NBEAL1: variants seen among roughly 807,000 people sequenced by gnomAD.
The protein encoded by NBEAL1 is neurobeachin like 1, also known as neurobeachin-like protein 1.
A neutral mutation model predicts 351.3 loss-of-function variants in NBEAL1; 273 were observed. The observed-to-expected ratio is 0.78, with a 90% CI of 0.70 to 0.86. The LOEUF (loss-of-function observed/expected upper bound fraction) is 0.86. Ranked by LOEUF, NBEAL1 falls within the 40% of genes least tolerant of loss-of-function variation. The probability of loss-of-function intolerance (pLI) is 0.00; values close to 1 mark genes in which losing one functional copy is unlikely to be tolerated. For synonymous variants in NBEAL1, 1,050 were observed against 1,086.4 expected, an observed-to-expected ratio of 0.97 and a Z score of 0.66; for missense variants, 2,961 against 3,201.3, an observed-to-expected ratio of 0.92 and a Z score of 1.81.
intron 21 of NBEAL1, 113 bp downstream of exon 21, chr2:203,126,206 T>C: frequency 9.3e-7 from 1 of 1,074,520 alleles, no homozygotes; most frequent in Non-Finnish European, 1.3e-6. Context: ...ACTTGAATTA[T>C]ATTAATGGAT....
At chr2:203,191,692 G>A (rs2065094137) in intron 46 of NBEAL1, among the ~76,000 whole-genome samples, 1 of 152,092 alleles carries the variant, frequency 6.6e-6, no homozygotes, top group Admixed American at 6.6e-5. Context: ...AGCCTATAAT[G>A]CCTTTGAGAA....
intron 34 of NBEAL1, 75 bp downstream of exon 34, chr2:203,149,223 C>G (rs79785683): frequency 1.0e-6 from 1 of 997,312 alleles, no homozygotes; most frequent in Non-Finnish European, 1.4e-6. Flanking sequence ...GCAAATGCCC[C>G]CTTTCACTCC....
chr2:203,130,367 C>A lies in NBEAL1; in HGVS notation c.3455C>A (p.Thr1152Asn). Residue 1152 changes from threonine (T) to asparagine (N), a missense_variant, in exon 25 of 56, where the codon ACC becomes AAC. Thr to Asn is a moderately conservative substitution (Grantham distance 65, BLOSUM62 0). Transcript: ENST00000683969. The stretch of plus-strand genomic sequence containing the variant: ...TTCAGTCTCCTACGTACCAGCCCAA[C>A]CAGAGGTCAGCTTTTCTTACTGCTT... ...VLFSLLRTSP[T>N]RGQLFLLLFE... The A allele has an allele frequency of 6.5e-7, 1 of 1,532,390 alleles. No individual in the cohort carries two copies. The highest frequency in any genetic ancestry group is 8.8e-7 in the Non-Finnish European group (1 of 1,140,076). The allele number at this position is 1,532,390 out of a possible 1,614,324, so 94.9% of individuals were successfully genotyped here.
chr2:203,167,688 A>T (rs1172943153), intron 38 of NBEAL1, among the ~76,000 whole-genome samples: 1 of 152,186 alleles, frequency 6.6e-6, no homozygotes, highest in Non-Finnish European at 1.5e-5. Context: ...AATAATGAGG[A>T]ATCTATTTCT....
intron 42 of NBEAL1, among the ~76,000 whole-genome samples, chr2:203,177,052 G>A (rs1030743117): frequency 6.6e-6 from 1 of 151,258 alleles, no homozygotes; most frequent in African/African-American, 2.4e-5. Flanking sequence ...TTGGGAGGCT[G>A]AGGTGGGAGG....
intron 2 of NBEAL1, among the ~76,000 whole-genome samples, chr2:203,034,457 AT>A (rs1241543389): frequency 0.023 from 2,543 of 111,896 alleles, 100 homozygotes; most frequent in Non-Finnish European, 0.031. Flanking sequence ...ACACCCGGCC[AT>A]TTTTTTTTTT....
At chr2:203,183,489 T>TACAAA in intron 44 of NBEAL1, 101 bp downstream of exon 44, 1 of 671,326 alleles carries the variant, frequency 1.5e-6, no homozygotes, top group Admixed American at 3.0e-5. Flanking sequence ...TAGATTAATT[T>TACAAA]GTAATCTATT....
rs1176783655 is a variant in NBEAL1, at chr2:203,039,220, C to T, written c.52-2545C>T. Among the ~76,000 whole-genome samples, 2 of 9,812 alleles carry T rather than the reference C, an allele frequency of 2.0e-4. 1 individual carries two copies. The highest frequency in any genetic ancestry group is 3.9e-4 in the Non-Finnish European group (2 of 5,096). The allele number at this position is 9,812 out of a possible 152,430, so 6.4% of individuals were successfully genotyped here. A position where few individuals can be genotyped will look rare whatever the true frequency, so the allele number is the denominator to read the frequency against. On this transcript the variant is annotated intron_variant, in intron 2 of 55. Transcript: ENST00000683969. ...CTTTCCTTTCCTTTCCTTTCCTTTC[C>T]CTTCCCTTCCCTTCCCTTCCCTTCC...
intron 3 of NBEAL1, among the ~76,000 whole-genome samples, chr2:203,047,412 G>T (rs1374084401): frequency 6.6e-6 from 1 of 152,100 alleles, no homozygotes; most frequent in Non-Finnish European, 1.5e-5. Flanking sequence ...AATATTGATA[G>T]AACATACTAC....
intron 12 of NBEAL1, among the ~76,000 whole-genome samples, 176 bp downstream of exon 12, chr2:203,099,888 G>A (rs1038758335): frequency 3.9e-5 from 6 of 152,012 alleles, no homozygotes; most frequent in African/African-American, 7.2e-5. Context: ...CAATCTTCCC[G>A]CTCCTCCTTC....
chr2:203,122,795 CT>C (rs1330032387), intron 19 of NBEAL1, among the ~76,000 whole-genome samples: 2 of 152,146 alleles, frequency 1.3e-5, no homozygotes, highest in African/African-American at 4.8e-5. Flanking sequence ...ATCCCTAGCA[CT>C]TTATTATTTC....
chr2:203,172,870 C>G lies in NBEAL1; in HGVS notation c.6323+17C>G, dbSNP rs1376548155. On this transcript the variant is annotated intron_variant, in intron 41 of 55. Coordinates refer to ENST00000683969, the MANE Select transcript of NBEAL1 (RefSeq NM_001378026.1). ...GAGAGAAAAGTAAGTGCTTCTTATT[C>G]CTTTTATAAAATACACATTGCTTCT... 7.6e-6 allele frequency: 12 copies of G among 1,582,556 alleles called. No individual in the cohort carries two copies. Among genetic ancestry groups the G allele is most frequent in the Non-Finnish European group, 9.4e-6 (11 of 1,166,982 alleles).
rs550666881 is a variant in NBEAL1 at position 203,224,513 on chromosome 2, A to T, written c.*7159A>T. Among the ~76,000 whole-genome samples, 1 of 152,216 alleles carries T rather than the reference A, an allele frequency of 6.6e-6. No individual in the cohort carries two copies. The highest frequency in any genetic ancestry group is 6.5e-5 in the Admixed American group (1 of 15,274). On this transcript the variant is annotated 3_prime_UTR_variant, in exon 56 of 56. Coordinates refer to ENST00000683969, the MANE Select transcript of NBEAL1 (RefSeq NM_001378026.1). ...CATCTCTTTTGTCAGTTTTTCTGGGACTCCAATAGCATTTCAGTGTTATAG... is the reference window on the plus strand; with the variant it reads ...CATCTCTTTTGTCAGTTTTTCTGGGTCTCCAATAGCATTTCAGTGTTATAG...
intron 51 of NBEAL1, among the ~76,000 whole-genome samples, chr2:203,203,730 T>C (rs1041508521): frequency 2.0e-5 from 3 of 152,090 alleles, no homozygotes; most frequent in African/African-American, 7.2e-5. Flanking sequence ...TCTTCTAATT[T>C]TTTTTGTTTT....
At chr2:203,118,441 A>G (rs1394652909) in intron 18 of NBEAL1, among the ~76,000 whole-genome samples, 1 of 152,176 alleles carries the variant, frequency 6.6e-6, no homozygotes, top group Admixed American at 6.6e-5. Context: ...CCAAAGATAC[A>G]TGTTTGTTTA....
chr2:203,157,797 G>T lies in NBEAL1; in HGVS notation c.5686G>T (p.Glu1896Ter). The T allele has an allele frequency of 6.3e-7, 1 of 1,586,384 alleles. No individual in the cohort carries two copies. Among genetic ancestry groups the T allele is most frequent in the South Asian group, 1.2e-5 (1 of 85,914 alleles). ...DMVEDKLDLP[E>*]EDITARVNVD... Reference sequence around the variant, plus strand: ...GGTGGAGGATAAATTAGACCTTCCTGAAGAGGATATAACAGCTAGAGTAAA... The same window carrying T: ...GGTGGAGGATAAATTAGACCTTCCTTAAGAGGATATAACAGCTAGAGTAAA... Residue 1896 changes from glutamate to a stop codon, truncating the protein, a stop_gained, in exon 36 of 56, where the codon GAA becomes TAA. Coordinates refer to ENST00000683969, the MANE Select transcript of NBEAL1 (RefSeq NM_001378026.1). LOFTEE classifies it high-confidence loss of function.
chr2:203,057,824 C>CT lies in NBEAL1; in HGVS notation c.515+385dup, dbSNP rs747730907. ...ATTTTGTCCATTTTTTTTCTTTTTT[C>CT]TTTTTTTTTTTTTTGTTTTTTTGTC... On this transcript the variant is annotated intron_variant, in intron 6 of 55. Coordinates refer to ENST00000683969, the MANE Select transcript of NBEAL1 (RefSeq NM_001378026.1). Among the ~76,000 whole-genome samples the CT allele has an allele frequency of 8.4e-3, 1,127 of 133,472 alleles. 4 individuals are homozygous for CT. The highest frequency in any genetic ancestry group is 0.016 in the African/African-American group (577 of 36,646). 87.6% of individuals were successfully genotyped at this position (133,472 alleles called of 152,430 possible). A position where few individuals can be genotyped will look rare whatever the true frequency, so the allele number is the denominator to read the frequency against.
In NBEAL1 at chr2:203,035,193, ATAATT is replaced by A. The variant is rs1260035490; in HGVS notation, c.52-6568_52-6564del. Among the ~76,000 whole-genome samples the A allele has an allele frequency of 2.0e-5, 3 of 149,384 alleles. 1 individual carries two copies. The highest frequency in any genetic ancestry group is 7.3e-5 in the African/African-American group (3 of 41,080). On this transcript the variant is annotated intron_variant, in intron 2 of 55. Coordinates refer to ENST00000683969, the MANE Select transcript of NBEAL1 (RefSeq NM_001378026.1). Reference sequence around the variant, plus strand: ...AGCTAAACGTCTGCTGTGCTTTAACATAATTTAAGTAATCACATGTGACTAGTGGC... The same window carrying A: ...AGCTAAACGTCTGCTGTGCTTTAACATAAGTAATCACATGTGACTAGTGGC...
intron 10 of NBEAL1, among the ~76,000 whole-genome samples, chr2:203,089,132 G>A (rs1002206616): frequency 1.3e-5 from 2 of 152,122 alleles, no homozygotes; most frequent in Non-Finnish European, 2.9e-5. Context: ...GCCGAGGCAG[G>A]CAGATCATCT....
Sources: gnomAD v4.1 joint callset for allele counts (sites outside exome capture counted in the v4.1 genomes callset) on GRCh38, gnomAD v4.1.1 for gene constraint, MANE v1.5 for transcripts, NCBI Gene and HGNC (gene_info 2026-07-23, HGNC 2026-07-21) for gene names.